The following KMT2A variants were observed in gnomAD, a reference collection of about 807,000 sequenced individuals.
KMT2A encodes the protein histone-lysine N-methyltransferase 2A.
Under a neutral mutation model 345.3 loss-of-function variants are expected in KMT2A, and 16 were observed. The observed-to-expected ratio is 0.05, with a 90% CI of 0.03 to 0.07. The LOEUF (loss-of-function observed/expected upper bound fraction) is 0.07. Among genes scored for constraint, KMT2A ranks in the 10% least tolerant of loss-of-function variants. The pLI, the probability that KMT2A is intolerant of heterozygous loss-of-function variation, is 1.00. For synonymous variants in KMT2A, 1,599 were observed against 1,778.6 expected, an observed-to-expected ratio of 0.90 and a Z score of 2.54; for missense variants, 3,272 against 4,841.6, an observed-to-expected ratio of 0.68 and a Z score of 9.62.
rs1169281687 is a variant in KMT2A, at chr11:118,490,930, C to A, written c.4697-266C>A. On this transcript the variant is annotated intron_variant, in intron 13 of 35. Coordinates refer to ENST00000534358, the MANE Select transcript of KMT2A (RefSeq NM_001197104.2). This position sits in a 1 kb window ranked among gnomAD's most constrained non-coding sequence, Gnocchi z 4.2. Reference sequence around the variant, plus strand: ...CTTCCATTCTTTTCTATTGTTTTATCTTTAAAATCTACCTCATGACCTTTA... The same window carrying A: ...CTTCCATTCTTTTCTATTGTTTTATATTTAAAATCTACCTCATGACCTTTA... Among the ~76,000 whole-genome samples, 3 of 152,066 alleles carry A rather than the reference C, an allele frequency of 2.0e-5. No individual in the cohort carries two copies. The highest frequency in any genetic ancestry group is 4.4e-5 in the Non-Finnish European group (3 of 68,002).
At chr11:118,512,164 A>G in intron 31 of KMT2A, 139 bp downstream of exon 31, 1 of 669,920 alleles carries the variant, frequency 1.5e-6, no homozygotes. Flanking sequence ...TTCATATACC[A>G]TACAGTTCAC....
At position 118,498,274 on chromosome 11, in the gene KMT2A, A is replaced by G; in HGVS notation, c.5803-96A>G. The G allele has an allele frequency of 8.1e-7, 1 of 1,238,062 alleles. No individual in the cohort carries two copies. Among genetic ancestry groups the G allele is most frequent in the Non-Finnish European group, 1.1e-6 (1 of 885,306 alleles). The allele number at this position is 1,238,062 out of a possible 1,614,324, so 76.7% of individuals were successfully genotyped here. The stretch of plus-strand genomic sequence containing the variant: ...TTTATCAATAGATAAAATGAATTGT[A>G]GGAACTGTAGAATGGGATGAGTCTA... On this transcript the variant is annotated intron_variant, in intron 21 of 35. Transcript: ENST00000534358. This position sits in a 1 kb window ranked among gnomAD's most constrained non-coding sequence, Gnocchi z 4.4.
At position 118,481,805 on chromosome 11, in the gene KMT2A, A is replaced by G; in HGVS notation, c.3725A>G (p.Gln1242Arg). 6.2e-7 allele frequency: 1 copy of G among 1,614,242 alleles called. No individual in the cohort carries two copies. The highest frequency in any genetic ancestry group is 1.6e-4 in the Middle Eastern group (1 of 6,062). ...GTGAAGAACGTGGTGGACTCTAGTC[A>G]GAAACCTACCCCATCAGCAAGAGAG... is the stretch of plus-strand genomic sequence containing the variant. ...SVVKNVVDSS[Q>R]KPTPSAREDP... Residue 1242 changes from glutamine (Q) to arginine (R), a missense_variant, in exon 7 of 36, where the codon CAG (glutamine) becomes CGG (arginine). Gln to Arg is a conservative substitution (Grantham distance 43). This residue lies in a region of KMT2A where 168 missense variants were observed against 216.0 expected (regional missense o/e 0.78). Transcript: ENST00000534358.
rs543699715 is a variant in KMT2A at position 118,494,534 on chromosome 11, T to G, written c.5289+136T>G. 24 of 827,392 alleles carry G rather than the reference T, an allele frequency of 2.9e-5. No homozygotes were observed. Among genetic ancestry groups the G allele is most frequent in the Middle Eastern group, 3.0e-4 (1 of 3,308 alleles). The allele number at this position is 827,392 out of a possible 1,614,324, so 51.3% of individuals were successfully genotyped here. On this transcript the variant is annotated intron_variant, in intron 17 of 35. Coordinates refer to ENST00000534358, the MANE Select transcript of KMT2A (RefSeq NM_001197104.2). This position sits in a 1 kb window ranked among gnomAD's most constrained non-coding sequence, Gnocchi z 5.8. ...TCTTTGGTTTAATTTGATCCCCTGA[T>G]TCTTTGAGAGGAACTTGGTGAGGTT...
At position 118,484,323 on chromosome 11, in the gene KMT2A, G is replaced by A; in HGVS notation, c.4218+9G>A. On this transcript the variant is annotated intron_variant, in intron 9 of 35. Coordinates refer to ENST00000534358, the MANE Select transcript of KMT2A (RefSeq NM_001197104.2). The surrounding 1 kb of genome is among the most constrained non-coding windows in gnomAD (Gnocchi z 4.1). ...TCAGAGTGGACTTTAAGGTAAAGGT[G>A]TTCAGTGATCATAAAGTATATTGAG... 2 of 1,613,326 alleles carry A rather than the reference G, an allele frequency of 1.2e-6. No homozygotes were observed. Among genetic ancestry groups the A allele is most frequent in the Non-Finnish European group, 1.7e-6 (2 of 1,179,640 alleles).
chr11:118,472,667 G>A lies in KMT2A; in HGVS notation c.1508G>A (p.Arg503Gln), dbSNP rs782313746. ...SEEIQVLPEERSDTPEVHPPL... is the reference protein window; with the variant it reads ...SEEIQVLPEEQSDTPEVHPPL... ...GAGATTCAGGTACTTCCTGAGGAGCGGAGCGATACCCCTGAAGTTCATCCT... is the reference window on the plus strand; with the variant it reads ...GAGATTCAGGTACTTCCTGAGGAGCAGAGCGATACCCCTGAAGTTCATCCT... Residue 503 changes from arginine (R) to glutamine (Q), a missense_variant, in exon 3 of 36, where the codon CGG becomes CAG. By Grantham distance (43) the Arg-to-Gln change is conservative. Around this residue, in one of 27 missense-constraint regions of KMT2A, gnomAD observed 180 missense variants for 190.7 expected, o/e 0.94. Coordinates refer to ENST00000534358, the MANE Select transcript of KMT2A (RefSeq NM_001197104.2). The A allele has an allele frequency of 4.8e-5, 78 of 1,612,746 alleles. No homozygotes were observed. Among genetic ancestry groups the A allele is most frequent in the Non-Finnish European group, 6.3e-5 (74 of 1,179,824 alleles).
rs141515578 is a variant in KMT2A, at chr11:118,507,610, G to C, written c.10835+1G>C. 1.0e-4 allele frequency: 164 copies of C among 1,611,348 alleles called. No individual in the cohort carries two copies. The highest frequency in any genetic ancestry group is 1.4e-4 in the Non-Finnish European group (162 of 1,177,582). ...AGAAGGAGTGTGGGCAACCTGCAGG[G>C]TAAGCTGAAGAATTCGTCTTTTAAG... is the stretch of plus-strand genomic sequence containing the variant. On this transcript the variant is annotated splice_donor_variant, in intron 28 of 35. Coordinates refer to ENST00000534358, the MANE Select transcript of KMT2A (RefSeq NM_001197104.2). LOFTEE classifies it high-confidence loss of function.
At chr11:118,439,839 G>A (rs1949277425) in intron 1 of KMT2A, among the ~76,000 whole-genome samples, 1 of 151,926 alleles carries the variant, frequency 6.6e-6, no homozygotes, top group Non-Finnish European at 1.5e-5. Flanking sequence ...TTTATGTGGT[G>A]TTTGAGGCAA....
rs369821804 is a variant in KMT2A at position 118,473,779 on chromosome 11, A to G, written c.2620A>G (p.Arg874Gly). ...CAAGAGCGTGGAGAAGGACAAGAGT[A>G]GAGAGAGAGACCGGGAGAGAGAAAA... ...ADKSVEKDKSRERDREREKEN... is the reference protein window; with the variant it reads ...ADKSVEKDKSGERDREREKEN... Residue 874 changes from arginine to glycine, a missense_variant, in exon 3 of 36, where the codon AGA becomes GGA. Physicochemically the swap from Arg to Gly is moderately radical, Grantham distance 125. This residue lies in a region of KMT2A where 209 missense variants were observed against 237.4 expected (regional missense o/e 0.88). Transcript: ENST00000534358. The surrounding 1 kb of genome is among the most constrained non-coding windows in gnomAD (Gnocchi z 5.2). 7 of 1,613,004 alleles carry G rather than the reference A, an allele frequency of 4.3e-6. No individual in the cohort carries two copies. In the African/African-American group the frequency reaches 8.0e-5, roughly 18 times the overall value.
chr11:118,500,006 G>C, intron 24 of KMT2A, 93 bp downstream of exon 24: 1 of 805,432 alleles, frequency 1.2e-6, no homozygotes, highest in Non-Finnish European at 2.1e-6. Flanking sequence ...ATACCTGTTA[G>C]CTACTTTAAA....
intron 1 of KMT2A, among the ~76,000 whole-genome samples, chr11:118,468,558 A>G (rs1355524549): frequency 2.6e-5 from 4 of 152,148 alleles, no homozygotes; most frequent in Non-Finnish European, 4.4e-5. Flanking sequence ...TGCATTGTTC[A>G]GTTACTACAC....
At chr11:118,500,089 C>T (rs190783803) in intron 24 of KMT2A, among the ~76,000 whole-genome samples, 176 bp downstream of exon 24, 2 of 152,058 alleles carry the variant, frequency 1.3e-5, no homozygotes, top group South Asian at 2.1e-4. Flanking sequence ...ACTATGTTAG[C>T]GGAATCCAGT....
chr11:118,442,153 C>T (rs1949327824), intron 1 of KMT2A, among the ~76,000 whole-genome samples: 1 of 152,188 alleles, frequency 6.6e-6, no homozygotes, highest in African/African-American at 2.4e-5. Flanking sequence ...TGAAGGCCTT[C>T]AATCGGGCCT....
chr11:118,489,293 C>T (rs375284231), intron 11 of KMT2A, among the ~76,000 whole-genome samples: 1 of 150,786 alleles, frequency 6.6e-6, no homozygotes, highest in Non-Finnish European at 1.5e-5. Flanking sequence ...GCAAATGCTG[C>T]ACCATTTTGT....
At chr11:118,507,950 A>G (rs961233665) in intron 28 of KMT2A, among the ~76,000 whole-genome samples, 43 of 152,172 alleles carry the variant, frequency 2.8e-4, no homozygotes, top group African/African-American at 7.2e-4. Context: ...GCGATAGAGC[A>G]AGACTCCGTT....
At position 118,476,310 on chromosome 11, in the gene KMT2A, A is replaced by G. The variant is rs1395509983; in HGVS notation, c.3157-495A>G. Among the ~76,000 whole-genome samples, 1 of 152,172 alleles carries G rather than the reference A, an allele frequency of 6.6e-6. No homozygotes were observed. The highest frequency in any genetic ancestry group is 1.5e-5 in the Non-Finnish European group (1 of 68,020). Reference sequence around the variant, plus strand: ...TTTATACCACACTGAACTTTTTGATAATATAGACTGGCAGCTTGAATTTTG... The same window carrying G: ...TTTATACCACACTGAACTTTTTGATGATATAGACTGGCAGCTTGAATTTTG... On this transcript the variant is annotated intron_variant, in intron 3 of 35. Transcript: ENST00000534358. The surrounding 1 kb of genome is among the most constrained non-coding windows in gnomAD (Gnocchi z 4.1).
At position 118,522,943 on chromosome 11, in the gene KMT2A, G is replaced by A. The variant is rs1173505657; in HGVS notation, c.*771G>A. 2 of 226,392 alleles carry A rather than the reference G, an allele frequency of 8.8e-6. No individual in the cohort carries two copies. Among genetic ancestry groups the A allele is most frequent in the Non-Finnish European group, 1.8e-5 (2 of 113,550 alleles). 14.0% of individuals were successfully genotyped at this position (226,392 alleles called of 1,614,324 possible). A position where few individuals can be genotyped will look rare whatever the true frequency, so the allele number is the denominator to read the frequency against. On this transcript the variant is annotated 3_prime_UTR_variant, in exon 36 of 36. Transcript: ENST00000534358. The surrounding 1 kb of genome is among the most constrained non-coding windows in gnomAD (Gnocchi z 5.4). ...CCACTGCTTTCCCATGCTTCTTTCGGGTTGTAGGGGAGACTGACTGCCTGC... is the reference window on the plus strand; with the variant it reads ...CCACTGCTTTCCCATGCTTCTTTCGAGTTGTAGGGGAGACTGACTGCCTGC...
Position 118,471,656 on chromosome 11 carries a change from A to G in KMT2A, c.503-6A>G, listed in dbSNP as rs1025187632. 6.5e-7 allele frequency: 1 copy of G among 1,550,202 alleles called. No individual in the cohort carries two copies. The highest frequency in any genetic ancestry group is 8.7e-7 in the Non-Finnish European group (1 of 1,151,422). The stretch of plus-strand genomic sequence containing the variant: ...ATGCTCTTCATTGTTTAATTTCTAT[A>G]CACAGTTAAAACTAGTCCTCGAAAA... On this transcript the variant is annotated splice_region_variant and splice_polypyrimidine_tract_variant and intron_variant, in intron 2 of 35. Coordinates refer to ENST00000534358, the MANE Select transcript of KMT2A (RefSeq NM_001197104.2).
chr11:118,506,728 A>C, intron 27 of KMT2A, 82 bp downstream of exon 27: 2 of 1,382,480 alleles, frequency 1.4e-6, no homozygotes, highest in Middle Eastern at 3.7e-4. Context: ...GTAGTCCGGG[A>C]GAGACACTCT....
Sources: gnomAD v4.1 joint callset for allele counts (sites outside exome capture counted in the v4.1 genomes callset) on GRCh38, gnomAD v4.1.1 for gene constraint, gnomAD v4.1.1 regional missense constraint, Gnocchi (gnomAD v3.1) non-coding constraint, MANE v1.5 for transcripts, NCBI Gene and HGNC (gene_info 2026-07-23, HGNC 2026-07-21) for gene names.